DAAM2: variants seen among roughly 807,000 people sequenced by gnomAD.
DAAM2 encodes the protein disheveled-associated activator of morphogenesis 2.
Under a neutral mutation model 120.7 loss-of-function variants are expected in DAAM2, and 39 were observed. The observed-to-expected ratio is 0.32, with a 90% CI of 0.25 to 0.42. DAAM2 has a LOEUF of 0.42. Ranked by LOEUF, DAAM2 falls within the 10% of genes least tolerant of loss-of-function variation. The pLI is 1.00. For synonymous variants in DAAM2, 488 were observed against 524.9 expected, an observed-to-expected ratio of 0.93 and a Z score of 0.96; for missense variants, 1,283 against 1,401.7, an observed-to-expected ratio of 0.92 and a Z score of 1.35.
rs746916665 is a variant in DAAM2, at chr6:39,884,080, A to T, written c.1953+11A>T. The T allele has an allele frequency of 3.4e-6, 5 of 1,465,328 alleles. No individual in the cohort carries two copies. The South Asian group carries it at 4.7e-5, about 14-fold the overall frequency. The allele number at this position is 1,465,328 out of a possible 1,614,324, so 90.8% of individuals were successfully genotyped here. A position where few individuals can be genotyped will look rare whatever the true frequency, so the allele number is the denominator to read the frequency against. On this transcript the variant is annotated intron_variant, in intron 15 of 24. Coordinates refer to ENST00000274867, the MANE Select transcript of DAAM2 (RefSeq NM_001201427.2). ...TACCAGAGGCACCAGGTAAGACCCTATACCCTCTGGCCTCTTGGACCATAC... is the reference window on the plus strand; with the variant it reads ...TACCAGAGGCACCAGGTAAGACCCTTTACCCTCTGGCCTCTTGGACCATAC...
At chr6:39,851,231 G>T (rs79911584) in intron 1 of DAAM2, among the ~76,000 whole-genome samples, 4 of 152,170 alleles carry the variant, frequency 2.6e-5, no homozygotes, top group African/African-American at 9.7e-5. Context: ...CTTTCTGGAC[G>T]TGTGCCTTAT....
At chr6:39,810,901 T>A (rs185079688) in intron 1 of DAAM2, among the ~76,000 whole-genome samples, 93 of 152,218 alleles carry the variant, frequency 6.1e-4, no homozygotes, top group African/African-American at 1.3e-3. Flanking sequence ...AGCAGGCTAT[T>A]CTTTATTACA....
intron 1 of DAAM2, among the ~76,000 whole-genome samples, chr6:39,828,688 G>T (rs9296309): frequency 4.0e-5 from 6 of 151,454 alleles, no homozygotes; most frequent in African/African-American, 1.5e-4. Context: ...TCAGCCTCCC[G>T]GGTAGCTGGG....
chr6:39,854,302 T>A (rs1425366352), intron 1 of DAAM2, among the ~76,000 whole-genome samples: 1 of 152,250 alleles, frequency 6.6e-6, no homozygotes, highest in Non-Finnish European at 1.5e-5. Context: ...TCAAGAAATA[T>A]TTATTGAACC....
intron 3 of DAAM2, 82 bp downstream of exon 3, chr6:39,861,099 C>T (rs1287653785): frequency 1.0e-6 from 1 of 998,294 alleles, no homozygotes; most frequent in Admixed American, 2.0e-5. Context: ...CTCATGCATT[C>T]ACCTGATGTT....
intron 1 of DAAM2, among the ~76,000 whole-genome samples, chr6:39,840,752 G>T (rs764844371): frequency 6.6e-6 from 1 of 152,140 alleles, no homozygotes; most frequent in African/African-American, 2.4e-5. Context: ...TATGTGCCAG[G>T]CTCTGTGCTG....
At chr6:39,796,042 T>C (rs1186497972) in intron 1 of DAAM2, among the ~76,000 whole-genome samples, 1 of 151,948 alleles carries the variant, frequency 6.6e-6, no homozygotes, top group Non-Finnish European at 1.5e-5. Context: ...GTCAGAGTAA[T>C]GGGGGAATCT....
chr6:39,850,782 A>C (rs780289550), intron 1 of DAAM2, among the ~76,000 whole-genome samples: 21 of 152,216 alleles, frequency 1.4e-4, no homozygotes, highest in Non-Finnish European at 2.5e-4. Flanking sequence ...GACCAGGGAC[A>C]GATAGTCAAT....
intron 3 of DAAM2, chr6:39,862,035 A>G (rs1764232630): frequency 2.0e-5 from 3 of 152,204 alleles, no homozygotes; most frequent in Admixed American, 2.0e-4. Flanking sequence ...GGATTCAAAT[A>G]TACACCATTT....
At chr6:39,852,186 G>C (rs951585834) in intron 1 of DAAM2, among the ~76,000 whole-genome samples, 4 of 152,142 alleles carry the variant, frequency 2.6e-5, no homozygotes, top group Non-Finnish European at 5.9e-5. Flanking sequence ...AAATCTCTCT[G>C]GCCTGAGTTC....
Position 39,879,177 on chromosome 6 carries a change from G to C in DAAM2, c.1546-1G>C. The C allele has an allele frequency of 6.5e-7, 1 of 1,542,948 alleles. No individual in the cohort carries two copies. Among genetic ancestry groups the C allele is most frequent in the Non-Finnish European group, 8.8e-7 (1 of 1,142,634 alleles). On this transcript the variant is annotated splice_acceptor_variant, in intron 13 of 24. Transcript: ENST00000274867. LOFTEE classifies it high-confidence loss of function. The stretch of plus-strand genomic sequence containing the variant: ...CTTGCAATTTTTCTGTTTCCTCACA[G>C]ACAGGCCCTGTATCTTCCCCACCAC...
intron 1 of DAAM2, among the ~76,000 whole-genome samples, chr6:39,815,993 C>T (rs882516): frequency 0.54 from 82,570 of 152,106 alleles, 22,599 homozygotes; most frequent in East Asian, 0.62. Context: ...GACCTTCTAC[C>T]CTGATTCTCA....
chr6:39,883,914 G>A lies in DAAM2; in HGVS notation c.1846-48G>A, dbSNP rs532609006. On this transcript the variant is annotated intron_variant, in intron 14 of 24. Transcript: ENST00000274867. ...TTAGGGAGGCATGGAGCATCTTCATGATGGAGTTGGGCCAACCATGGGATC... is the reference window on the plus strand; with the variant it reads ...TTAGGGAGGCATGGAGCATCTTCATAATGGAGTTGGGCCAACCATGGGATC... 9.5e-5 allele frequency: 123 copies of A among 1,289,576 alleles called. 2 individuals carry two copies. In the South Asian group the frequency reaches 1.5e-3, roughly 15 times the overall value. The allele number at this position is 1,289,576 out of a possible 1,614,324, so 79.9% of individuals were successfully genotyped here.
At chr6:39,823,188 C>G (rs1324851973) in intron 1 of DAAM2, 2 of 151,538 alleles carry the variant, frequency 1.3e-5, no homozygotes, top group East Asian at 3.9e-4. Flanking sequence ...TCAAACTGGG[C>G]TCTACACTGT....
At chr6:39,861,931 G>GC (rs1764228173) in intron 3 of DAAM2, 1 of 152,356 alleles carries the variant, frequency 6.6e-6, no homozygotes, top group East Asian at 1.9e-4. Flanking sequence ...GTGCTCCTGT[G>GC]CCCCCTCATA....
chr6:39,846,699 CT>C (rs11359144), intron 1 of DAAM2, among the ~76,000 whole-genome samples: 51,798 of 140,356 alleles, frequency 0.37, 8,914 homozygotes, highest in Non-Finnish European at 0.41. Context: ...CACATCCACG[CT>C]TTTTTTTTTT....
chr6:39,800,912 C>T (rs1379105377), intron 1 of DAAM2, among the ~76,000 whole-genome samples: 1 of 152,174 alleles, frequency 6.6e-6, no homozygotes, highest in Non-Finnish European at 1.5e-5. Flanking sequence ...CCTAACAAGC[C>T]TGCTGCCCAC....
Position 39,873,349 on chromosome 6 carries a change from A to C in DAAM2, c.1156A>C (p.Met386Leu), listed in dbSNP as rs1764741048. 1 of 1,606,766 alleles carries C rather than the reference A, an allele frequency of 6.2e-7. No homozygotes were observed. The highest frequency in any genetic ancestry group is 8.5e-7 in the Non-Finnish European group (1 of 1,174,210). Residue 386 changes from methionine (M) to leucine (L), a missense_variant, in exon 10 of 25, where the codon ATG (methionine) becomes CTG (leucine). Physicochemically the swap from Met to Leu is conservative, Grantham distance 15. Transcript: ENST00000274867. ...LLSVLHHCLQ[M>L]PYKRNGGYFQ... is the part of the protein sequence containing the mutation. The stretch of plus-strand genomic sequence containing the variant: ...CTCTGTGCTGCACCACTGCCTGCAG[A>C]TGCCCTGTAAGTACCCTGCACTTGC...
At chr6:39,841,269 G>T (rs1299270892) in intron 1 of DAAM2, among the ~76,000 whole-genome samples, 1 of 117,350 alleles carries the variant, frequency 8.5e-6, no homozygotes, top group African/African-American at 4.2e-5. Context: ...GGGCTCCGGG[G>T]GGAGGGGTTC....
Sources: allele counts gnomAD v4.1 joint callset (sites outside exome capture counted in the v4.1 genomes callset), GRCh38; gene constraint gnomAD v4.1.1; transcripts MANE v1.5; gene names NCBI Gene and HGNC (gene_info 2026-07-23, HGNC 2026-07-21).